MSI2: variants seen among roughly 807,000 people sequenced by gnomAD.
The protein encoded by MSI2 is RNA-binding protein Musashi homolog 2.
In MSI2, 17 loss-of-function variants were observed where a neutral mutation model predicts 45.6. The ratio of observed to expected loss-of-function variants is 0.37; its 90% CI spans 0.26 to 0.56. The LOEUF (loss-of-function observed/expected upper bound fraction) is 0.56, where lower values mean the gene tolerates loss of function less well. Among genes scored for constraint, MSI2 ranks in the 20% least tolerant of loss-of-function variants. MSI2 has a pLI of 0.77. For synonymous variants in MSI2, 156 were observed against 158.2 expected, an observed-to-expected ratio of 0.99 and a Z score of 0.11; for missense variants, 293 against 444.2, an observed-to-expected ratio of 0.66 and a Z score of 3.06.
rs34631177 is a variant in MSI2, at chr17:57,547,741, TACACACACACACAC to T, written c.454+18052_454+18065del. On this transcript the variant is annotated intron_variant, in intron 7 of 13. Transcript: ENST00000284073. ...GTTTAGTAGTTGCATAGACAAAAAG[TACACACACACACAC>T]ACACACACACACACACACACACACA... 3.8e-3 allele frequency among the ~76,000 whole-genome samples: 474 copies of T among 123,418 alleles called. 2 individuals carry two copies. The highest frequency in any genetic ancestry group is 5.8e-3 in the African/African-American group (200 of 34,552). The allele number at this position is 123,418 out of a possible 152,430, so 81.0% of individuals were successfully genotyped here. A position where few individuals can be genotyped will look rare whatever the true frequency, so the allele number is the denominator to read the frequency against.
chr17:57,536,083 T>C (rs1484964603), intron 7 of MSI2, among the ~76,000 whole-genome samples: 1 of 79,766 alleles, frequency 1.3e-5, no homozygotes, highest in Non-Finnish European at 2.6e-5. Flanking sequence ...TTTATTGGTG[T>C]CTATTACTCA....
chr17:57,537,008 C>T (rs1019977280), intron 7 of MSI2, among the ~76,000 whole-genome samples: 1 of 152,088 alleles, frequency 6.6e-6, no homozygotes, highest in African/African-American at 2.4e-5. Context: ...ATGATTGAGT[C>T]CAAGAGGTCT....
At chr17:57,440,355 T>C (rs2143458229) in intron 6 of MSI2, among the ~76,000 whole-genome samples, 1 of 151,946 alleles carries the variant, frequency 6.6e-6, no homozygotes, top group Non-Finnish European at 1.5e-5. Context: ...CCCGTATCTG[T>C]GGGCTTAGCA....
chr17:57,568,079 A>C (rs2087780644), intron 7 of MSI2, among the ~76,000 whole-genome samples: 1 of 152,198 alleles, frequency 6.6e-6, no homozygotes, highest in African/African-American at 2.4e-5. Flanking sequence ...GCATTTCTGC[A>C]ACTGGGAAAC....
intron 9 of MSI2, among the ~76,000 whole-genome samples, chr17:57,622,155 C>T (rs764772155): frequency 1.3e-5 from 2 of 152,236 alleles, no homozygotes; most frequent in Non-Finnish European, 2.9e-5. Flanking sequence ...CAAGATCACA[C>T]CACTGCACTC....
chr17:57,575,667 C>T (rs924084624), intron 7 of MSI2, among the ~76,000 whole-genome samples: 7 of 152,092 alleles, frequency 4.6e-5, no homozygotes, highest in African/African-American at 7.2e-5. Context: ...GAAAAGGAGC[C>T]GGGCGCGGTG....
chr17:57,613,253 T>C (rs1907343234), intron 8 of MSI2, among the ~76,000 whole-genome samples: 1 of 152,216 alleles, frequency 6.6e-6, no homozygotes, highest in Admixed American at 6.5e-5. Context: ...TTCAGTATTT[T>C]TCCCTATATG....
At chr17:57,608,453 C>T (rs533364571) in intron 8 of MSI2, 13 of 152,518 alleles carry the variant, frequency 8.5e-5, no homozygotes. Context: ...GCGTTTCCCT[C>T]CCCGGGCCAC....
At chr17:57,466,720 C>T (rs986390546) in intron 6 of MSI2, among the ~76,000 whole-genome samples, 1 of 152,138 alleles carries the variant, frequency 6.6e-6, no homozygotes, top group Non-Finnish European at 1.5e-5. Flanking sequence ...AGGAGTGTCC[C>T]ACAGGGTCTT....
In MSI2 at chr17:57,376,368, C is replaced by G. The variant is rs146389487; in HGVS notation, c.313-25011C>G. ...GACAGCAGGTCTGGGAACCCTATCCCGGTCTGGATCCAATTTATTGCCCTC... is the reference window on the plus strand; with the variant it reads ...GACAGCAGGTCTGGGAACCCTATCCGGGTCTGGATCCAATTTATTGCCCTC... On this transcript the variant is annotated intron_variant, in intron 5 of 13. Coordinates refer to ENST00000284073, the MANE Select transcript of MSI2 (RefSeq NM_138962.4). Among the ~76,000 whole-genome samples, 62 of 152,308 alleles carry G rather than the reference C, an allele frequency of 4.1e-4. 1 individual carries two copies. In the East Asian group the frequency reaches 0.012, roughly 28 times the overall value.
the MSI2 span, among the ~76,000 whole-genome samples, chr17:57,694,352 C>T: frequency 3.3e-5 from 5 of 152,152 alleles, no homozygotes; most frequent in African/African-American, 9.7e-5. Context: ...CTCAGTGTTT[C>T]TGCTTCACTC....
At chr17:57,319,351 C>G (rs1913130696) in intron 5 of MSI2, among the ~76,000 whole-genome samples, 1 of 152,146 alleles carries the variant, frequency 6.6e-6, no homozygotes, top group South Asian at 2.1e-4. Flanking sequence ...GTGGCATGGC[C>G]AGGACGGGAA....
chr17:57,538,745 C>T lies in MSI2; in HGVS notation c.454+9021C>T, dbSNP rs540457079. On this transcript the variant is annotated intron_variant, in intron 7 of 13. Coordinates refer to ENST00000284073, the MANE Select transcript of MSI2 (RefSeq NM_138962.4). ...TGTTTTTTCCTCTGCTTTGCACACA[C>T]ACATATGCTTGCATGTGCATGGAAT... 7.9e-5 allele frequency among the ~76,000 whole-genome samples: 12 copies of T among 152,314 alleles called. 1 individual carries two copies. The South Asian group carries it at 2.5e-3, about 32-fold the overall frequency.
intron 6 of MSI2, among the ~76,000 whole-genome samples, chr17:57,506,738 C>G (rs2086237656): frequency 6.6e-6 from 1 of 152,184 alleles, no homozygotes; most frequent in African/African-American, 2.4e-5. Flanking sequence ...AAATCTGGAG[C>G]TTGCTTTTTG....
At chr17:57,509,074 A>G (rs984033798) in intron 6 of MSI2, among the ~76,000 whole-genome samples, 3 of 152,278 alleles carry the variant, frequency 2.0e-5, no homozygotes, top group Non-Finnish European at 2.9e-5. Flanking sequence ...AGTCTGAGAG[A>G]TGGGGCAAAG....
chr17:57,373,756 T>C (rs1282010307), intron 5 of MSI2, among the ~76,000 whole-genome samples: 1 of 152,226 alleles, frequency 6.6e-6, no homozygotes, highest in East Asian at 1.9e-4. Context: ...GCTGCCACTG[T>C]CCTGCTGTGA....
At position 57,291,944 on chromosome 17, in the gene MSI2, G is replaced by C. The variant is rs114475562; in HGVS notation, c.312+29752G>C. 9.7e-3 allele frequency among the ~76,000 whole-genome samples: 1,484 copies of C among 152,258 alleles called. 25 individuals carry two copies. Among genetic ancestry groups the C allele is most frequent in the African/African-American group, 0.034 (1,409 of 41,548 alleles). On this transcript the variant is annotated intron_variant, in intron 5 of 13. Transcript: ENST00000284073. ...AACCAGGCCAGGCAGGAGAGGATTTGTTCATGGAGTGAACTCACTGATTGA... is the reference window on the plus strand; with the variant it reads ...AACCAGGCCAGGCAGGAGAGGATTTCTTCATGGAGTGAACTCACTGATTGA...
At chr17:57,534,187 C>T (rs563501596) in intron 7 of MSI2, among the ~76,000 whole-genome samples, 2 of 152,342 alleles carry the variant, frequency 1.3e-5, no homozygotes, top group African/African-American at 4.8e-5. Context: ...CCTGTCTGAC[C>T]TGGAGCTCAG....
intron 7 of MSI2, among the ~76,000 whole-genome samples, chr17:57,553,192 G>C (rs916184526): frequency 3.3e-5 from 5 of 152,218 alleles, no homozygotes; most frequent in African/African-American, 1.2e-4. Flanking sequence ...CGCTTCAGTT[G>C]AGTAGTCCTG....
Sources: allele counts gnomAD v4.1 joint callset (sites outside exome capture counted in the v4.1 genomes callset), GRCh38; gene constraint gnomAD v4.1.1; transcripts MANE v1.5; gene names NCBI Gene and HGNC (gene_info 2026-07-23, HGNC 2026-07-21).